Variants in SUSD6 observed in about 807,000 individuals in gnomAD.
The protein encoded by SUSD6 is sushi domain-containing protein 6.
A neutral mutation model predicts 28.4 loss-of-function variants in SUSD6; 16 were observed. That is an observed-to-expected ratio of 0.56 (90% CI 0.38 to 0.86). The LOEUF is 0.86. SUSD6 is among the 40% of genes least tolerant of loss of function. The probability of loss-of-function intolerance (pLI) is 0.00; values close to 1 mark genes in which losing one functional copy is unlikely to be tolerated. For synonymous variants in SUSD6, 147 were observed against 159.6 expected, an observed-to-expected ratio of 0.92 and a Z score of 0.59; for missense variants, 341 against 384.2, an observed-to-expected ratio of 0.89 and a Z score of 0.94.
chr14:69,633,063 C>A (rs1330690609), intron 1 of SUSD6, among the ~76,000 whole-genome samples: 1 of 152,214 alleles, frequency 6.6e-6, no homozygotes, highest in Non-Finnish European at 1.5e-5. Context: ...ATTCCTATCC[C>A]TTCCTATGGT....
intron 2 of SUSD6, among the ~76,000 whole-genome samples, chr14:69,683,067 A>G (rs1886021718): frequency 6.7e-6 from 1 of 148,198 alleles, no homozygotes. Context: ...GCCCTTGAAG[A>G]GCTCTGGAGC....
At chr14:69,689,175 G>T (rs959836558) in intron 2 of SUSD6, among the ~76,000 whole-genome samples, 12 of 151,970 alleles carry the variant, frequency 7.9e-5, no homozygotes, top group African/African-American at 2.9e-4. Flanking sequence ...ATCTTCTTTG[G>T]TCTCTTCCCC....
chr14:69,646,909 G>C (rs913796191), intron 1 of SUSD6, among the ~76,000 whole-genome samples: 1 of 151,996 alleles, frequency 6.6e-6, no homozygotes, highest in African/African-American at 2.4e-5. Flanking sequence ...CACCATGTTA[G>C]CCAGGATGGT....
chr14:69,670,123 T>C (rs1885807715), intron 2 of SUSD6, among the ~76,000 whole-genome samples: 2 of 152,150 alleles, frequency 1.3e-5, no homozygotes. Flanking sequence ...TAAGCAAGTA[T>C]GTGTTGACAT....
At chr14:69,663,496 C>G (rs1199504465) in intron 2 of SUSD6, among the ~76,000 whole-genome samples, 1 of 152,204 alleles carries the variant, frequency 6.6e-6, no homozygotes, top group Admixed American at 6.5e-5. Flanking sequence ...GGCCCTGGCT[C>G]ACCTCATCTT....
At chr14:69,618,040 G>C (rs1170081447) in intron 1 of SUSD6, among the ~76,000 whole-genome samples, 1 of 152,170 alleles carries the variant, frequency 6.6e-6, no homozygotes, top group Non-Finnish European at 1.5e-5. Context: ...TACAGGATGT[G>C]TCCCTGTGTG....
intron 1 of SUSD6, among the ~76,000 whole-genome samples, chr14:69,618,966 G>C (rs754584897): frequency 3.9e-5 from 6 of 152,122 alleles, no homozygotes; most frequent in Non-Finnish European, 8.8e-5. Context: ...TGGGCCTTTG[G>C]GGTTCTTCTT....
chr14:69,625,573 C>G (rs1885102295), intron 1 of SUSD6, among the ~76,000 whole-genome samples: 1 of 152,172 alleles, frequency 6.6e-6, no homozygotes, highest in Non-Finnish European at 1.5e-5. Context: ...TGAAGCTCAG[C>G]AGAACATGGC....
intron 2 of SUSD6, among the ~76,000 whole-genome samples, chr14:69,678,359 TA>T (rs1483284716): frequency 6.7e-6 from 1 of 149,228 alleles, no homozygotes; most frequent in Non-Finnish European, 1.5e-5. Context: ...TATATATTTA[TA>T]ATTATTGATT....
intron 5 of SUSD6, among the ~76,000 whole-genome samples, chr14:69,710,038 T>C (rs1438945708): frequency 6.6e-6 from 1 of 152,254 alleles, no homozygotes; most frequent in African/African-American, 2.4e-5. Context: ...ATCATGTTTA[T>C]GGAGCTTCCT....
intron 1 of SUSD6, among the ~76,000 whole-genome samples, chr14:69,612,582 G>C (rs949314109): frequency 1.3e-5 from 2 of 152,154 alleles, no homozygotes; most frequent in South Asian, 2.1e-4. Flanking sequence ...AGGAGCAGGA[G>C]GGGGAGGTGG....
Position 69,685,662 on chromosome 14 carries a change from G to A in SUSD6, c.122-17733G>A, listed in dbSNP as rs148308898. Among the ~76,000 whole-genome samples, 36 of 152,286 alleles carry A rather than the reference G, an allele frequency of 2.4e-4. No homozygotes were observed. The East Asian group carries it at 6.8e-3, about 29-fold the overall frequency. On this transcript the variant is annotated intron_variant, in intron 2 of 5. Coordinates refer to ENST00000342745, the MANE Select transcript of SUSD6 (RefSeq NM_014734.4). ...CCTACCTAAGAATATATTTTCTCTA[G>A]GTTCACCAAAGTGATTCCGGGCCTT...
At chr14:69,621,871 A>G (rs373799754) in intron 1 of SUSD6, among the ~76,000 whole-genome samples, 14 of 152,312 alleles carry the variant, frequency 9.2e-5, no homozygotes, top group Non-Finnish European at 1.8e-4. Flanking sequence ...TGCTCTGTAC[A>G]AATGCTGACA....
rs145195525 is a variant in SUSD6, at chr14:69,670,390, C to T, written c.121+11677C>T. The T allele has an allele frequency of 6.7e-4, 302 of 447,594 alleles. 1 individual carries two copies. Among genetic ancestry groups the T allele is most frequent in the African/African-American group, 5.2e-3 (258 of 50,050 alleles). 27.7% of individuals were successfully genotyped at this position (447,594 alleles called of 1,614,324 possible). The stretch of plus-strand genomic sequence containing the variant: ...ATAGAACAATTCCATGTGATACATG[C>T]TATAATCAGGAAAGTACTGCACTAC... On this transcript the variant is annotated intron_variant, in intron 2 of 5. Transcript: ENST00000342745.
chr14:69,704,658 C>G lies in SUSD6; in HGVS notation c.374C>G (p.Thr125Ser). Residue 125 changes from threonine to serine, a missense_variant, in exon 4 of 6, where the codon ACT becomes AGT. Physicochemically the swap from Thr to Ser is moderately conservative, Grantham distance 58. Coordinates refer to ENST00000342745, the MANE Select transcript of SUSD6 (RefSeq NM_014734.4). ...GVPTLSIVAS[T>S]ASSVALILLL... ...CCCACGCTGTCTATAGTGGCTTCTA[C>G]TGCCAGCTCCGTGGCGCTCATTCTC... The G allele has an allele frequency of 6.2e-7, 1 of 1,614,180 alleles. No individual in the cohort carries two copies. The highest frequency in any genetic ancestry group is 8.5e-7 in the Non-Finnish European group (1 of 1,180,006).
chr14:69,657,935 A>G (rs368953237), intron 1 of SUSD6, among the ~76,000 whole-genome samples: 1 of 152,160 alleles, frequency 6.6e-6, no homozygotes, highest in African/African-American at 2.4e-5. Context: ...GACAGCCAAC[A>G]TAATGTGGTC....
At chr14:69,627,938 C>CTT (rs35196621) in intron 1 of SUSD6, among the ~76,000 whole-genome samples, 5 of 144,928 alleles carry the variant, frequency 3.4e-5, no homozygotes, top group East Asian at 2.0e-4. Context: ...CCCAAAGTGA[C>CTT]TTTTTTTTTT....
intron 1 of SUSD6, among the ~76,000 whole-genome samples, chr14:69,646,498 T>G (rs1287820457): frequency 6.6e-6 from 1 of 152,108 alleles, no homozygotes; most frequent in Non-Finnish European, 1.5e-5. Flanking sequence ...GGGTTTCACA[T>G]TCATTTCTAA....
chr14:69,650,377 C>T (rs904735977), intron 1 of SUSD6, among the ~76,000 whole-genome samples: 4 of 152,184 alleles, frequency 2.6e-5, no homozygotes, highest in Non-Finnish European at 5.9e-5. Flanking sequence ...AGTTTACAGA[C>T]GGCGACTGTA....
Sources: allele counts gnomAD v4.1 joint callset (sites outside exome capture counted in the v4.1 genomes callset), GRCh38; gene constraint gnomAD v4.1.1; transcripts MANE v1.5; gene names NCBI Gene and HGNC (gene_info 2026-07-23, HGNC 2026-07-21).